Variants in BMPR1B observed in about 807,000 individuals in gnomAD.
The protein encoded by BMPR1B is bone morphogenetic protein receptor type 1B.
BMPR1B carries 12 observed loss-of-function variants against 59.1 expected under a neutral mutation model. The observed-to-expected ratio is 0.20, with a 90% CI of 0.13 to 0.33. The LOEUF is 0.33. Among genes scored for constraint, BMPR1B ranks in the 10% least tolerant of loss-of-function variants. The pLI, the probability that BMPR1B is intolerant of heterozygous loss-of-function variation, is 1.00. For synonymous variants in BMPR1B, 237 were observed against 207.3 expected, an observed-to-expected ratio of 1.14 and a Z score of -1.23; for missense variants, 550 against 610.9, an observed-to-expected ratio of 0.90 and a Z score of 1.05.
At chr4:94,985,640 G>T (rs1368058249) in intron 2 of BMPR1B, among the ~76,000 whole-genome samples, 2 of 151,526 alleles carry the variant, frequency 1.3e-5, no homozygotes, top group Non-Finnish European at 2.9e-5. Flanking sequence ...TTTTCCTATA[G>T]GAAAATAATT....
intron 2 of BMPR1B, among the ~76,000 whole-genome samples, chr4:94,980,396 G>A (rs1731191696): frequency 6.6e-6 from 1 of 152,034 alleles, no homozygotes. Flanking sequence ...TATACAACAG[G>A]TCCTCAAGTA....
chr4:94,908,126 G>A (rs1045016918), intron 2 of BMPR1B, among the ~76,000 whole-genome samples: 2 of 144,498 alleles, frequency 1.4e-5, no homozygotes, highest in Non-Finnish European at 1.5e-5. Flanking sequence ...TTGGGGAAGG[G>A]TCCACAGCAA....
At chr4:95,082,987 G>C (rs1246877796) in intron 3 of BMPR1B, among the ~76,000 whole-genome samples, 3 of 131,138 alleles carry the variant, frequency 2.3e-5, no homozygotes, top group Admixed American at 9.1e-5. Context: ...GCAGTGAGCC[G>C]AGATCGCGCC....
chr4:94,867,016 A>G (rs1316585365), intron 1 of BMPR1B, among the ~76,000 whole-genome samples: 2 of 152,138 alleles, frequency 1.3e-5, no homozygotes, highest in African/African-American at 4.8e-5. Context: ...AGGGCCCCAT[A>G]TTGAGCACAC....
chr4:94,857,405 A>G (rs1466116790), intron 1 of BMPR1B, among the ~76,000 whole-genome samples: 1 of 151,304 alleles, frequency 6.6e-6, no homozygotes, highest in African/African-American at 2.4e-5. Context: ...GAATAGTTAC[A>G]CACATATAGT....
chr4:95,009,098 C>A (rs1723048380), intron 3 of BMPR1B, among the ~76,000 whole-genome samples: 1 of 152,128 alleles, frequency 6.6e-6, no homozygotes, highest in Non-Finnish European at 1.5e-5. Context: ...CATTTCATAC[C>A]TACCATGTTG....
intron 1 of BMPR1B, among the ~76,000 whole-genome samples, chr4:94,790,165 T>C (rs1025350442): frequency 1.3e-5 from 2 of 152,162 alleles, no homozygotes; most frequent in Non-Finnish European, 2.9e-5. Flanking sequence ...GTTGTTAAGA[T>C]TTGAGAGATT....
chr4:94,797,861 C>T (rs1723255434), intron 1 of BMPR1B, among the ~76,000 whole-genome samples: 1 of 152,132 alleles, frequency 6.6e-6, no homozygotes, highest in African/African-American at 2.4e-5. Context: ...TAGCTTCAGA[C>T]CCCAAAATTA....
intron 2 of BMPR1B, among the ~76,000 whole-genome samples, chr4:94,974,042 T>C (rs999305221): frequency 1.3e-5 from 2 of 152,176 alleles, no homozygotes; most frequent in Admixed American, 6.5e-5. Flanking sequence ...AAGAATGTGC[T>C]TTTTGCTGCA....
intron 3 of BMPR1B, among the ~76,000 whole-genome samples, chr4:95,089,786 G>A (rs185373744): frequency 2.0e-5 from 3 of 152,010 alleles, no homozygotes; most frequent in Non-Finnish European, 4.4e-5. Context: ...ACAAATCAAA[G>A]CAAAGTAGAT....
chr4:94,910,534 A>G (rs555732179), intron 2 of BMPR1B, among the ~76,000 whole-genome samples: 1 of 152,178 alleles, frequency 6.6e-6, no homozygotes, highest in East Asian at 1.9e-4. Flanking sequence ...ATAAGTTTGG[A>G]TGTTCAGTAT....
intron 1 of BMPR1B, among the ~76,000 whole-genome samples, chr4:94,865,278 A>G (rs1383769469): frequency 6.6e-6 from 1 of 152,102 alleles, no homozygotes; most frequent in Non-Finnish European, 1.5e-5. Flanking sequence ...AATAATCTTC[A>G]AGTTTTATGG....
intron 8 of BMPR1B, among the ~76,000 whole-genome samples, chr4:95,128,763 T>A (rs1733085869): frequency 1.3e-5 from 2 of 152,204 alleles, no homozygotes. Flanking sequence ...CATTAATCTT[T>A]TCTTGCTTAT....
intron 4 of BMPR1B, among the ~76,000 whole-genome samples, chr4:95,109,887 T>A (rs530133901): frequency 6.0e-4 from 68 of 113,196 alleles, no homozygotes; most frequent in East Asian, 6.0e-3. Flanking sequence ...CAGTCCCCGG[T>A]GTGTGATGTT....
chr4:95,116,162 T>C (rs1732016696), intron 6 of BMPR1B, among the ~76,000 whole-genome samples: 1 of 152,154 alleles, frequency 6.6e-6, no homozygotes, highest in Admixed American at 6.5e-5. Context: ...GTAAAGACCA[T>C]ATAAAGGGCT....
chr4:94,886,566 C>G (rs1436644010), intron 2 of BMPR1B, among the ~76,000 whole-genome samples: 1 of 152,186 alleles, frequency 6.6e-6, no homozygotes, highest in Non-Finnish European at 1.5e-5. Context: ...AAATGACCAC[C>G]TACCTTCCAG....
At chr4:94,758,188 T>C (rs1474814131) in intron 1 of BMPR1B, 120 bp downstream of exon 1, 1 of 150,474 alleles carries the variant, frequency 6.6e-6, no homozygotes, top group East Asian at 2.0e-4. Flanking sequence ...GGGTAGCGGC[T>C]GGGTGCGGAG....
At chr4:94,978,419 C>T (rs1045369810) in intron 2 of BMPR1B, among the ~76,000 whole-genome samples, 4 of 152,102 alleles carry the variant, frequency 2.6e-5, no homozygotes, top group African/African-American at 7.2e-5. Flanking sequence ...TCTCTTTATT[C>T]GTGTAGTTTC....
At chr4:94,952,046 G>A (rs752428468) in intron 2 of BMPR1B, among the ~76,000 whole-genome samples, 2 of 152,182 alleles carry the variant, frequency 1.3e-5, no homozygotes, top group Admixed American at 6.5e-5. Flanking sequence ...TATTTGCATA[G>A]AGGTGTTTAT....
Sources: allele counts gnomAD v4.1 joint callset (sites outside exome capture counted in the v4.1 genomes callset), GRCh38; gene constraint gnomAD v4.1.1; transcripts MANE v1.5; gene names NCBI Gene and HGNC (gene_info 2026-07-23, HGNC 2026-07-21).